ACOXL: variants seen among roughly 807,000 people sequenced by gnomAD.
The protein encoded by ACOXL is acyl-CoA oxidase like, also known as acyl-coenzyme A oxidase-like protein.
ACOXL carries 70 observed loss-of-function variants against 71.9 expected under a neutral mutation model. That is an observed-to-expected ratio of 0.97 (90% CI 0.80 to 1.19). ACOXL has a LOEUF of 1.19. Among genes scored for constraint, ACOXL ranks in the 50% most tolerant of loss-of-function variants. ACOXL has a pLI of 0.00. For missense variants in ACOXL, 703 were observed against 736.3 expected (o/e 0.95, Z 0.52); for synonymous variants, 253 against 281.6 (o/e 0.90, Z 1.02).
intron 10 of ACOXL, among the ~76,000 whole-genome samples, chr2:110,842,888 C>T (rs539252488): frequency 6.6e-5 from 10 of 152,214 alleles, no homozygotes; most frequent in East Asian, 1.9e-4. Flanking sequence ...TGTATGTTTC[C>T]GGTCCTATGA....
chr2:111,040,767 C>A (rs1444732890), intron 15 of ACOXL, among the ~76,000 whole-genome samples: 1 of 152,086 alleles, frequency 6.6e-6, no homozygotes, highest in East Asian at 1.9e-4. Flanking sequence ...GATGGAAGAA[C>A]CAGGAGGGAG....
chr2:110,847,856 G>A (rs1002074427), intron 10 of ACOXL, among the ~76,000 whole-genome samples: 8 of 152,212 alleles, frequency 5.3e-5, no homozygotes. Flanking sequence ...ACAAAGTACA[G>A]ACCCGGGGTG....
At position 110,805,226 on chromosome 2, in the gene ACOXL, C is replaced by T. The variant is rs745658750; in HGVS notation, c.621-37C>T. 5 of 1,612,548 alleles carry T rather than the reference C, an allele frequency of 3.1e-6. No homozygotes were observed. In the South Asian group the frequency reaches 5.5e-5, roughly 18 times the overall value. On this transcript the variant is annotated intron_variant, in intron 8 of 17. Transcript: ENST00000439055. ...ACTTCGTTTCTGGTGGTGCTATGTC[C>T]TGCTTTTTTGTGAAACCCCACCTCT...
chr2:110,853,210 T>A (rs778187873), intron 10 of ACOXL, among the ~76,000 whole-genome samples: 6 of 152,178 alleles, frequency 3.9e-5, no homozygotes, highest in Non-Finnish European at 8.8e-5. Flanking sequence ...TTTTTGGTTG[T>A]CCAAACTTGG....
At chr2:110,789,088 T>C (rs969348923) in intron 3 of ACOXL, among the ~76,000 whole-genome samples, 1 of 152,218 alleles carries the variant, frequency 6.6e-6, no homozygotes, top group African/African-American at 2.4e-5. Flanking sequence ...CCTGAGCACC[T>C]TGGACAAACT....
intron 2 of ACOXL, among the ~76,000 whole-genome samples, chr2:110,777,393 C>T (rs765375181): frequency 3.9e-5 from 6 of 152,096 alleles, no homozygotes; most frequent in Non-Finnish European, 7.4e-5. Context: ...CATAGCAAAT[C>T]GGAAAGTAAA....
intron 10 of ACOXL, among the ~76,000 whole-genome samples, chr2:110,843,198 C>A (rs1274243290): frequency 2.0e-5 from 3 of 152,192 alleles, no homozygotes; most frequent in Admixed American, 1.3e-4. Context: ...GACAAGCTTG[C>A]CCTTCCCCAT....
At chr2:111,014,537 A>C (rs986947755) in intron 14 of ACOXL, among the ~76,000 whole-genome samples, 10 of 152,206 alleles carry the variant, frequency 6.6e-5, no homozygotes, top group African/African-American at 9.6e-5. Flanking sequence ...CATTGCCATA[A>C]TGTTCATCCT....
chr2:110,908,665 T>C, intron 10 of ACOXL, 124 bp from the exon 11 acceptor site: 3 of 745,404 alleles, frequency 4.0e-6, no homozygotes. Flanking sequence ...TTTTAGGAAA[T>C]TCAGATTTCT....
At chr2:110,818,419 A>ATGTGTGTG (rs1485183767) in intron 9 of ACOXL, among the ~76,000 whole-genome samples, 22 of 141,738 alleles carry the variant, frequency 1.6e-4, no homozygotes, top group African/African-American at 5.9e-4. Flanking sequence ...ACATATATAT[A>ATGTGTGTG]TATATGTGTG....
chr2:111,107,088 T>G (rs1169717180), intron 17 of ACOXL, among the ~76,000 whole-genome samples: 2 of 152,232 alleles, frequency 1.3e-5, no homozygotes, highest in African/African-American at 4.8e-5. Context: ...TATAGCGTGT[T>G]GTGGCTGTAA....
intron 11 of ACOXL, among the ~76,000 whole-genome samples, chr2:110,916,202 T>G (rs2149269997): frequency 6.6e-6 from 1 of 152,162 alleles, no homozygotes; most frequent in East Asian, 1.9e-4. Context: ...CAATGTCACT[T>G]CTTTTATTTG....
chr2:111,031,040 T>C (rs992727831), intron 14 of ACOXL, among the ~76,000 whole-genome samples: 8 of 152,248 alleles, frequency 5.3e-5, no homozygotes, highest in African/African-American at 1.9e-4. Context: ...TGAAAGACTA[T>C]CTTGCACAGA....
chr2:110,978,630 T>C (rs2062565544), intron 12 of ACOXL, among the ~76,000 whole-genome samples: 2 of 152,194 alleles, frequency 1.3e-5, no homozygotes, highest in South Asian at 2.1e-4. Context: ...GTTTTGCTTG[T>C]ATTTAATTTC....
chr2:111,069,238 G>A (rs1016906753), intron 16 of ACOXL, among the ~76,000 whole-genome samples: 11 of 149,160 alleles, frequency 7.4e-5, no homozygotes, highest in Non-Finnish European at 1.5e-4. Flanking sequence ...TGCAAACTCC[G>A]CCTCCCATGT....
chr2:111,087,623 CT>C (rs1187416348), intron 16 of ACOXL, among the ~76,000 whole-genome samples: 1 of 152,184 alleles, frequency 6.6e-6, no homozygotes, highest in Non-Finnish European at 1.5e-5. Flanking sequence ...AAGACTGAAA[CT>C]GGACCCCTTC....
At chr2:110,933,758 A>G (rs1184511274) in intron 12 of ACOXL, 116 bp downstream of exon 12, 2 of 1,326,608 alleles carry the variant, frequency 1.5e-6, no homozygotes, top group Admixed American at 2.7e-5. Flanking sequence ...CCAACTGCCC[A>G]TGACTCTGGG....
At chr2:110,900,138 A>G (rs1279321527) in intron 10 of ACOXL, among the ~76,000 whole-genome samples, 2 of 70,386 alleles carry the variant, frequency 2.8e-5, no homozygotes, top group African/African-American at 4.0e-5. Context: ...CACTTCTTCT[A>G]AAAAAGTCAG....
At chr2:110,819,826 T>A (rs1436102460) in intron 9 of ACOXL, among the ~76,000 whole-genome samples, 1 of 152,144 alleles carries the variant, frequency 6.6e-6, no homozygotes, top group East Asian at 1.9e-4. Context: ...TAGGAGACAG[T>A]GGAGGATAGA....
Sources: allele counts gnomAD v4.1 joint callset (sites outside exome capture counted in the v4.1 genomes callset), GRCh38; gene constraint gnomAD v4.1.1; transcripts MANE v1.5; gene names NCBI Gene and HGNC (gene_info 2026-07-23, HGNC 2026-07-21).